Variants in ARID5B observed in about 807,000 individuals in gnomAD.
The protein encoded by ARID5B is AT-rich interaction domain 5B.
In ARID5B, 13 loss-of-function variants were observed where a neutral mutation model predicts 97.2. The ratio of observed to expected loss-of-function variants is 0.13; its 90% CI spans 0.09 to 0.21. ARID5B has a LOEUF of 0.21. Ranked by LOEUF, ARID5B falls within the 10% of genes least tolerant of loss-of-function variation. The pLI, the probability that ARID5B is intolerant of heterozygous loss-of-function variation, is 1.00. For synonymous variants in ARID5B, 556 were observed against 570.3 expected (o/e 0.97, Z 0.36); for missense variants, 1,210 against 1,465.3 (o/e 0.83, Z 2.84).
At chr10:61,914,359 T>A (rs952818182) in intron 2 of ARID5B, among the ~76,000 whole-genome samples, 7 of 152,196 alleles carry the variant, frequency 4.6e-5, no homozygotes, top group Admixed American at 4.6e-4. Context: ...GCAGTTAAAG[T>A]GAGTGCCTAC....
chr10:62,079,661 C>T (rs1443513854), intron 8 of ARID5B, among the ~76,000 whole-genome samples: 1 of 152,154 alleles, frequency 6.6e-6, no homozygotes, highest in Non-Finnish European at 1.5e-5. Context: ...TGTCCAGTAC[C>T]ACGTACCTTT....
At chr10:61,995,834 G>T (rs548384626) in intron 3 of ARID5B, among the ~76,000 whole-genome samples, 1 of 152,156 alleles carries the variant, frequency 6.6e-6, no homozygotes, top group African/African-American at 2.4e-5. Flanking sequence ...TCAAGGTCTC[G>T]TGGGCTTTCT....
intron 4 of ARID5B, among the ~76,000 whole-genome samples, chr10:62,043,758 C>T (rs1839670355): frequency 6.6e-6 from 1 of 152,168 alleles, no homozygotes; most frequent in Admixed American, 6.5e-5. Context: ...TAAGAAATTA[C>T]TAAAACCTTG....
chr10:62,078,348 G>A (rs866840648), intron 8 of ARID5B, among the ~76,000 whole-genome samples: 5 of 152,162 alleles, frequency 3.3e-5, no homozygotes, highest in East Asian at 3.8e-4. Flanking sequence ...AAATAGCCAC[G>A]TGCAGTGACG....
intron 8 of ARID5B, among the ~76,000 whole-genome samples, chr10:62,076,453 A>T (rs1240277487): frequency 6.6e-6 from 1 of 151,248 alleles, no homozygotes; most frequent in Non-Finnish European, 1.5e-5. Context: ...GAGGCACGAG[A>T]ATCACGGGAT....
chr10:62,084,619 C>G (rs574815366), intron 8 of ARID5B, among the ~76,000 whole-genome samples: 81 of 152,268 alleles, frequency 5.3e-4, no homozygotes, highest in Non-Finnish European at 7.8e-4. Flanking sequence ...ATACCAAATG[C>G]ATTATAAAAA....
chr10:61,903,176 G>C (rs1285597677), intron 2 of ARID5B, among the ~76,000 whole-genome samples: 3 of 152,134 alleles, frequency 2.0e-5, no homozygotes, highest in African/African-American at 7.2e-5. Flanking sequence ...TGTGGGACGG[G>C]GGCGGGGGAG....
rs1839407104 is a variant in ARID5B, at chr10:62,025,334, C to A, written c.733+25013C>A. ...TGCAACAAATCTCACAGTAAAGAAA[C>A]CTCTTTATCTTGGCCATAGAATTCA... is the stretch of plus-strand genomic sequence containing the variant. On this transcript the variant is annotated intron_variant, in intron 4 of 9. Coordinates refer to ENST00000279873, the MANE Select transcript of ARID5B (RefSeq NM_032199.3). 2.0e-5 allele frequency: 3 copies of A among 152,108 alleles called. No homozygotes were observed. The South Asian group carries it at 6.2e-4, about 31-fold the overall frequency. The allele number at this position is 152,108 out of a possible 1,614,324, so 9.4% of individuals were successfully genotyped here.
chr10:62,040,264 T>C (rs935077083), intron 4 of ARID5B, among the ~76,000 whole-genome samples: 12 of 152,128 alleles, frequency 7.9e-5, no homozygotes, highest in Non-Finnish European at 1.8e-4. Flanking sequence ...TAGCCTTGAG[T>C]CAATGATTAC....
Position 62,092,408 on chromosome 10 carries a change from G to C in ARID5B, c.2945G>C (p.Arg982Thr). ...LSRSGKPHHV[R>T]LENFRKMEGM... is the part of the protein sequence containing the mutation. ...AGATCAGGAAAACCTCACCATGTGA[G>C]ACTGGAGAATTTCAGGAAGATGGAA... Residue 982 changes from arginine (R) to threonine (T), a missense_variant, in exon 10 of 10, where the codon AGA becomes ACA. Physicochemically the swap from Arg to Thr is moderately conservative, Grantham distance 71. Around this residue, in one of 8 missense-constraint regions of ARID5B, gnomAD observed 800 missense variants for 839.1 expected, o/e 0.95. Transcript: ENST00000279873. 1 of 1,614,206 alleles carries C rather than the reference G, an allele frequency of 6.2e-7. No homozygotes were observed. The highest frequency in any genetic ancestry group is 8.5e-7 in the Non-Finnish European group (1 of 1,180,038).
chr10:62,002,222 AGTTCCAATTTAACAGCGATCACAATG>A (rs1303295228), intron 4 of ARID5B, among the ~76,000 whole-genome samples: 1 of 152,252 alleles, frequency 6.6e-6, no homozygotes. Flanking sequence ...AATAGAAAGA[AGTTCCAATTTAACAGCGATCACAATG>A]GTTGTTAAGA....
At chr10:62,083,701 C>T (rs1314505779) in intron 8 of ARID5B, among the ~76,000 whole-genome samples, 1 of 152,182 alleles carries the variant, frequency 6.6e-6, no homozygotes, top group Non-Finnish European at 1.5e-5. Context: ...ACCTATCTGT[C>T]CCAACAATAA....
intron 2 of ARID5B, among the ~76,000 whole-genome samples, chr10:61,913,855 G>A (rs1379919892): frequency 2.0e-5 from 3 of 152,180 alleles, no homozygotes; most frequent in South Asian, 2.1e-4. Context: ...AGATTCAAGC[G>A]ATTCTCCTGC....
chr10:61,908,899 C>T (rs950447429), intron 2 of ARID5B, among the ~76,000 whole-genome samples: 2 of 151,688 alleles, frequency 1.3e-5, no homozygotes, highest in African/African-American at 4.8e-5. Context: ...CAGAAAAGGC[C>T]ATCAGACTCT....
At chr10:61,949,802 T>C (rs1838297776) in intron 3 of ARID5B, among the ~76,000 whole-genome samples, 1 of 152,240 alleles carries the variant, frequency 6.6e-6, no homozygotes, top group South Asian at 2.1e-4. Context: ...AATAAATTCA[T>C]TTATGGTCCT....
intron 3 of ARID5B, among the ~76,000 whole-genome samples, chr10:61,951,518 C>T (rs890807055): frequency 3.9e-5 from 6 of 152,182 alleles, no homozygotes; most frequent in African/African-American, 9.7e-5. Flanking sequence ...TTCATGCCTA[C>T]GGGATAAAAT....
At chr10:61,951,151 A>C (rs991538044) in intron 3 of ARID5B, among the ~76,000 whole-genome samples, 1 of 152,244 alleles carries the variant, frequency 6.6e-6, no homozygotes, top group African/African-American at 2.4e-5. Flanking sequence ...CTGCAGAGGA[A>C]AGCTGAGGTT....
chr10:62,027,285 C>CTTTTTTTTTT (rs777291593), intron 4 of ARID5B, among the ~76,000 whole-genome samples: 4 of 67,406 alleles, frequency 5.9e-5, no homozygotes, highest in Non-Finnish European at 8.2e-5. Flanking sequence ...ACAGTATCTC[C>CTTTTTTTTTT]TTTTTTTTTT....
chr10:62,088,744 T>C (rs1016131993), intron 9 of ARID5B, among the ~76,000 whole-genome samples: 1 of 152,172 alleles, frequency 6.6e-6, no homozygotes, highest in South Asian at 2.1e-4. Flanking sequence ...TATTTGGGGT[T>C]TTTGGTTTGG....
Sources: gnomAD v4.1 joint callset for allele counts (sites outside exome capture counted in the v4.1 genomes callset) on GRCh38, gnomAD v4.1.1 for gene constraint, gnomAD v4.1.1 regional missense constraint, MANE v1.5 for transcripts, NCBI Gene and HGNC (gene_info 2026-07-23, HGNC 2026-07-21) for gene names.